Variants in SAMD5 observed in about 807,000 individuals in gnomAD.
SAMD5 encodes sterile alpha motif domain containing 5, also known as sterile alpha motif domain-containing protein 5.
Under a neutral mutation model 11.3 loss-of-function variants are expected in SAMD5, and 13 were observed. That is an observed-to-expected ratio of 1.15 (90% confidence interval 0.75 to 1.83). SAMD5 has a LOEUF of 1.83. Among genes scored for constraint, SAMD5 ranks in the 40% most tolerant of loss-of-function variants. SAMD5 has a pLI of 0.00. For synonymous variants in SAMD5, 129 were observed against 111.3 expected (o/e 1.16, Z -1.00); for missense variants, 255 against 239.1 (o/e 1.07, Z -0.44).
intron 1 of SAMD5, among the ~76,000 whole-genome samples, chr6:147,521,136 A>AT (rs764918198): frequency 7.9e-6 from 1 of 127,132 alleles, no homozygotes; most frequent in Non-Finnish European, 1.7e-5. Context: ...ACTAATTATT[A>AT]TTTTTTTATT....
chr6:147,716,672 A>C (rs1791473559), intron 1 of SAMD5, among the ~76,000 whole-genome samples: 2 of 152,224 alleles, frequency 1.3e-5, no homozygotes, highest in African/African-American at 4.8e-5. Flanking sequence ...TACACCTCCC[A>C]CAGTGCAGCC....
At chr6:147,635,064 G>A (rs1790207933) in intron 1 of SAMD5, among the ~76,000 whole-genome samples, 1 of 152,212 alleles carries the variant, frequency 6.6e-6, no homozygotes, top group Non-Finnish European at 1.5e-5. Context: ...ACCCATCACA[G>A]ATCACATACA....
intron 1 of SAMD5, among the ~76,000 whole-genome samples, chr6:147,591,832 C>T (rs1286833833): frequency 1.3e-5 from 2 of 152,014 alleles, no homozygotes; most frequent in African/African-American, 2.4e-5. Context: ...CAGGGAAGCA[C>T]CTCCTTCAGG....
At chr6:147,836,109 A>C in the SAMD5 span, among the ~76,000 whole-genome samples, 2 of 152,150 alleles carry the variant, frequency 1.3e-5, no homozygotes, top group Non-Finnish European at 2.9e-5. Flanking sequence ...TAACTACTTC[A>C]TGTACATCCC....
the SAMD5 span, among the ~76,000 whole-genome samples, chr6:147,832,238 A>G: frequency 1.3e-5 from 2 of 152,284 alleles, no homozygotes; most frequent in African/African-American, 4.8e-5. Flanking sequence ...GTGTGTATTT[A>G]TTTATTTAAT....
intron 1 of SAMD5, among the ~76,000 whole-genome samples, chr6:147,606,454 G>A (rs1246776825): frequency 6.6e-6 from 1 of 151,284 alleles, no homozygotes; most frequent in South Asian, 2.1e-4. Flanking sequence ...GATGGCCCAC[G>A]GTAAGTCCTT....
chr6:147,788,422 A>G, the SAMD5 span, among the ~76,000 whole-genome samples: 1 of 152,216 alleles, frequency 6.6e-6, no homozygotes, highest in African/African-American at 2.4e-5. Context: ...AAAGTAGGCT[A>G]CAAAATTAAT....
chr6:147,579,454 A>ATTTTTTT (rs3031353), intron 1 of SAMD5, among the ~76,000 whole-genome samples: 3 of 76,918 alleles, frequency 3.9e-5, no homozygotes, highest in African/African-American at 5.6e-5. Flanking sequence ...CAGGCTTTGA[A>ATTTTTTT]TTTTTTTTTT....
the SAMD5 span, among the ~76,000 whole-genome samples, chr6:147,865,651 A>G: frequency 6.6e-6 from 1 of 152,138 alleles, no homozygotes; most frequent in Non-Finnish European, 1.5e-5. Context: ...AATGGCTTTG[A>G]ATAAGGGTTT....
chr6:147,713,534 C>G (rs1439531313), intron 1 of SAMD5, among the ~76,000 whole-genome samples: 1 of 152,126 alleles, frequency 6.6e-6, no homozygotes, highest in Admixed American at 6.5e-5. Context: ...CAGCCAACAT[C>G]ATCTGGAAAG....
the SAMD5 span, among the ~76,000 whole-genome samples, chr6:147,818,159 A>AT: frequency 0.041 from 6,286 of 152,268 alleles, 150 homozygotes; most frequent in Middle Eastern, 0.051. Context: ...GAACTAAACC[A>AT]TTCTGAGCCT....
the SAMD5 span, among the ~76,000 whole-genome samples, chr6:147,872,580 C>A: frequency 2.0e-5 from 3 of 152,238 alleles, no homozygotes; most frequent in East Asian, 5.8e-4. Flanking sequence ...TAGGGGGAGG[C>A]AAGAAGCTGG....
rs184591526 is a variant in SAMD5 at position 147,675,627 on chromosome 6, C to A, written c.163-61690C>A. ...AGCTTCTGATTTATTTTAATTGAAA[C>A]GTATACATGGTATATGTCATTAAGG... On this transcript the variant is annotated intron_variant, in intron 1 of 1. Coordinates refer to the SAMD5 transcript ENST00000566741. 2.2e-4 allele frequency among the ~76,000 whole-genome samples: 33 copies of A among 152,236 alleles called. No homozygotes were observed. In the East Asian group the frequency reaches 6.2e-3, roughly 28 times the overall value.
the SAMD5 span, among the ~76,000 whole-genome samples, chr6:147,842,017 C>T: frequency 6.6e-6 from 1 of 152,118 alleles, no homozygotes; most frequent in African/African-American, 2.4e-5. Context: ...AAAATGCTGT[C>T]AAAATAGGAC....
the SAMD5 span, among the ~76,000 whole-genome samples, chr6:147,916,306 T>C: frequency 6.6e-6 from 1 of 152,262 alleles, no homozygotes; most frequent in Admixed American, 6.5e-5. Context: ...TTTCTAGTTC[T>C]AGATCCTTGA....
intron 1 of SAMD5, among the ~76,000 whole-genome samples, chr6:147,619,795 C>T (rs1279175507): frequency 6.6e-6 from 1 of 152,124 alleles, no homozygotes; most frequent in Non-Finnish European, 1.5e-5. Flanking sequence ...GTGGAGCCTA[C>T]TGCCTGACAA....
intron 1 of SAMD5, among the ~76,000 whole-genome samples, chr6:147,515,443 TCC>T (rs1381458216): frequency 6.9e-6 from 1 of 145,010 alleles, no homozygotes; most frequent in Non-Finnish European, 1.5e-5. Flanking sequence ...CATCCATCCA[TCC>T]ATCCATCCAT....
intron 1 of SAMD5, among the ~76,000 whole-genome samples, chr6:147,617,770 A>G (rs951262601): frequency 4.6e-5 from 7 of 152,232 alleles, no homozygotes; most frequent in Non-Finnish European, 1.0e-4. Flanking sequence ...CATATAGCAA[A>G]TACTTCCAAT....
At chr6:147,909,059 A>T in the SAMD5 span, among the ~76,000 whole-genome samples, 4 of 152,118 alleles carry the variant, frequency 2.6e-5, no homozygotes, top group African/African-American at 9.7e-5. Flanking sequence ...AAAATTTAAA[A>T]ATTAGCCGGC....
Sources: allele counts gnomAD v4.1 joint callset (sites outside exome capture counted in the v4.1 genomes callset), GRCh38; gene constraint gnomAD v4.1.1; transcripts MANE v1.5; gene names NCBI Gene and HGNC (gene_info 2026-07-23, HGNC 2026-07-21).